Variants in ELMO2 observed in about 807,000 individuals in gnomAD.
ELMO2 encodes engulfment and cell motility protein 2.
A neutral mutation model predicts 96.2 loss-of-function variants in ELMO2; 37 were observed. That is an observed-to-expected ratio of 0.38 (90% CI 0.30 to 0.51). The LOEUF is 0.51. Among genes scored for constraint, ELMO2 ranks in the 20% least tolerant of loss-of-function variants. The pLI is 0.88. For missense variants in ELMO2, 561 were observed against 912.6 expected (o/e 0.61, Z 4.96); for synonymous variants, 315 against 329.4 (o/e 0.96, Z 0.47).
At chr20:46,392,903 T>G (rs1410757474) in intron 6 of ELMO2, among the ~76,000 whole-genome samples, 190 bp downstream of exon 6, 2 of 152,220 alleles carry the variant, frequency 1.3e-5, no homozygotes, top group Admixed American at 1.3e-4. Context: ...AGGCCTTCTA[T>G]TGCATTTGTT....
intron 11 of ELMO2, among the ~76,000 whole-genome samples, chr20:46,377,420 G>C (rs1431053711): frequency 1.3e-5 from 2 of 151,984 alleles, no homozygotes; most frequent in Non-Finnish European, 2.9e-5. Context: ...ATGTCCACTG[G>C]ACGGTCCTGC....
At chr20:46,387,260 T>C (rs2060062887) in intron 8 of ELMO2, 78 bp downstream of exon 8, 2 of 1,241,780 alleles carry the variant, frequency 1.6e-6, no homozygotes, top group Non-Finnish European at 2.3e-6. Flanking sequence ...AGAATGGCGA[T>C]ATTGCCTGTA....
rs1249170051 is a variant in ELMO2 at position 46,394,049 on chromosome 20, C to G, written c.119G>C (p.Gly40Ala). The change falls in exon 4 of 22, where the codon GGG becomes GCG. Residue 40 changes from glycine to alanine, a missense_variant and splice_region_variant. Physicochemically the swap from Gly to Ala is moderately conservative, Grantham distance 60. Coordinates refer to ENST00000290246, the MANE Select transcript of ELMO2 (RefSeq NM_133171.5). Reference sequence around the variant, plus strand: ...GAAAACGAGGTCCATTTCAACCTACCCATCACAAACTTCCTTGATAATGGA... The same window carrying G: ...GAAAACGAGGTCCATTTCAACCTACGCATCACAAACTTCCTTGATAATGGA... ...LASIIKEVCD[G>A]WSLPNPEYYT... 6.2e-7 allele frequency: 1 copy of G among 1,614,002 alleles called. No individual in the cohort carries two copies. Among genetic ancestry groups the G allele is most frequent in the Admixed American group, 1.7e-5 (1 of 60,008 alleles).
At chr20:46,381,892 G>GTAT (rs1361953659) in intron 10 of ELMO2, among the ~76,000 whole-genome samples, 1 of 152,166 alleles carries the variant, frequency 6.6e-6, no homozygotes, top group Non-Finnish European at 1.5e-5. Context: ...CGCATCCATG[G>GTAT]TATTGTCTAG....
chr20:46,368,061 C>CA (rs2059620487), intron 21 of ELMO2, among the ~76,000 whole-genome samples: 1 of 152,084 alleles, frequency 6.6e-6, no homozygotes, highest in South Asian at 2.1e-4. Context: ...AGGGGGTGAC[C>CA]AGGAAGCCTT....
intron 11 of ELMO2, among the ~76,000 whole-genome samples, chr20:46,376,315 C>A (rs751073639): frequency 6.6e-6 from 1 of 152,114 alleles, no homozygotes; most frequent in Non-Finnish European, 1.5e-5. Flanking sequence ...ACTCTCCTAC[C>A]AGCTCCCTCC....
intron 20 of ELMO2, chr20:46,370,218 G>A (rs749891326): frequency 2.9e-5 from 19 of 664,192 alleles, no homozygotes; most frequent in African/African-American, 1.6e-4. Flanking sequence ...TCTTCAAAGC[G>A]ATAAAGGAGA....
intron 11 of ELMO2, among the ~76,000 whole-genome samples, chr20:46,378,013 C>G (rs2059894985): frequency 6.6e-6 from 1 of 152,212 alleles, no homozygotes; most frequent in Non-Finnish European, 1.5e-5. Context: ...CTATTCCTCT[C>G]TCCTCACTCT....
intron 5 of ELMO2, 125 bp downstream of exon 5, chr20:46,393,404 A>T: frequency 8.9e-7 from 1 of 1,125,604 alleles, no homozygotes. Flanking sequence ...GTCTGTCCGG[A>T]GAGTGACTCT....
At chr20:46,374,490 G>A in intron 14 of ELMO2, 46 bp downstream of exon 14, 1 of 1,610,328 alleles carries the variant, frequency 6.2e-7, no homozygotes, top group Non-Finnish European at 8.5e-7. Flanking sequence ...GAGGAAGGCA[G>A]GAGATGTGGC....
At chr20:46,379,380 C>A (rs1017805706) in intron 11 of ELMO2, among the ~76,000 whole-genome samples, 1 of 152,132 alleles carries the variant, frequency 6.6e-6, no homozygotes, top group Non-Finnish European at 1.5e-5. Context: ...TACTCCACCC[C>A]ACAGGTGGTA....
chr20:46,371,501 C>CAGCAAACAGG lies in ELMO2; in HGVS notation c.1694-43_1694-42insCCTGTTTGCT, dbSNP rs2059706136. The stretch of plus-strand genomic sequence containing the variant: ...GCCAAACAGGTGAGCAACGACAGTA[C>CAGCAAACAGG]TGGGAAAGGCCTGGGCACAAAAGGG... On this transcript the variant is annotated intron_variant, in intron 18 of 21. Coordinates refer to ENST00000290246, the MANE Select transcript of ELMO2 (RefSeq NM_133171.5). This position sits in a 1 kb window ranked among gnomAD's most constrained non-coding sequence, Gnocchi z 5.9. The CAGCAAACAGG allele has an allele frequency of 1.8e-5, 29 of 1,612,844 alleles. No individual in the cohort carries two copies. Among genetic ancestry groups the CAGCAAACAGG allele is most frequent in the Non-Finnish European group, 2.4e-5 (28 of 1,179,016 alleles).
At chr20:46,402,632 G>A (rs973910944) in intron 1 of ELMO2, among the ~76,000 whole-genome samples, 1 of 152,234 alleles carries the variant, frequency 6.6e-6, no homozygotes, top group Non-Finnish European at 1.5e-5. Context: ...ATCTCGGGCT[G>A]TGAACTCCTT....
intron 1 of ELMO2, among the ~76,000 whole-genome samples, chr20:46,402,544 C>T (rs2060353366): frequency 6.6e-6 from 1 of 152,190 alleles, no homozygotes; most frequent in Admixed American, 6.5e-5. Flanking sequence ...CTTTAGAAAA[C>T]CGTGATTGCA....
At chr20:46,388,261 G>A (rs1392875125) in intron 7 of ELMO2, among the ~76,000 whole-genome samples, 1 of 152,192 alleles carries the variant, frequency 6.6e-6, no homozygotes, top group Non-Finnish European at 1.5e-5. Context: ...GCTGATGGCA[G>A]CTGAAGGCTT....
chr20:46,381,622 A>C (rs1293806796), intron 10 of ELMO2, among the ~76,000 whole-genome samples: 1 of 152,154 alleles, frequency 6.6e-6, no homozygotes, highest in Non-Finnish European at 1.5e-5. Context: ...ACAACTCATA[A>C]GGTGGGTAAT....
At chr20:46,376,807 C>T (rs1480940288) in intron 11 of ELMO2, 2 of 1,288,574 alleles carry the variant, frequency 1.6e-6, no homozygotes, top group Non-Finnish European at 2.0e-6. Context: ...TACTCAGTAG[C>T]TCTGTCTCTA....
intron 15 of ELMO2, among the ~76,000 whole-genome samples, chr20:46,374,098 GTTTTT>G (rs60843274): frequency 6.7e-3 from 421 of 63,050 alleles, no homozygotes; most frequent in Non-Finnish European, 9.9e-3. Flanking sequence ...CTAATTTTTG[GTTTTT>G]TTTTTTTTTT....
At position 46,371,334 on chromosome 20, in the gene ELMO2, A is replaced by T. The variant is rs747289173; in HGVS notation, c.1801+18T>A. 2 of 1,611,836 alleles carry T rather than the reference A, an allele frequency of 1.2e-6. No individual in the cohort carries two copies. The highest frequency in any genetic ancestry group is 2.2e-5 in the South Asian group (2 of 91,008). ...CAAGTCCAGCAACCATGACACATCA[A>T]CAGAGAAATGAACCTACTTTTCTCC... On this transcript the variant is annotated intron_variant, in intron 19 of 21. Coordinates refer to ENST00000290246, the MANE Select transcript of ELMO2 (RefSeq NM_133171.5). The surrounding 1 kb of genome is among the most constrained non-coding windows in gnomAD (Gnocchi z 5.9).
Sources: gnomAD v4.1 joint callset for allele counts (sites outside exome capture counted in the v4.1 genomes callset) on GRCh38, gnomAD v4.1.1 for gene constraint, Gnocchi (gnomAD v3.1) non-coding constraint, MANE v1.5 for transcripts, NCBI Gene and HGNC (gene_info 2026-07-23, HGNC 2026-07-21) for gene names.